CACNA1C: variants seen among roughly 807,000 people sequenced by gnomAD.
The protein encoded by CACNA1C is voltage-dependent L-type calcium channel subunit alpha-1C.
In CACNA1C, 30 loss-of-function variants were observed where a neutral mutation model predicts 229.0. The ratio of observed to expected loss-of-function variants is 0.13; its 90% confidence interval spans 0.10 to 0.18. CACNA1C has a LOEUF of 0.18. Ranked by LOEUF, CACNA1C falls within the 10% of genes least tolerant of loss-of-function variation. The pLI, the probability that CACNA1C is intolerant of heterozygous loss-of-function variation, is 1.00. For synonymous variants in CACNA1C, 1,114 were observed against 1,132.5 expected (o/e 0.98, Z 0.33); for missense variants, 1,658 against 2,845.0 (o/e 0.58, Z 9.49).
At chr12:2,165,953 CAGAG>C (rs1413012921) in intron 3 of CACNA1C, among the ~76,000 whole-genome samples, 2 of 152,184 alleles carry the variant, frequency 1.3e-5, no homozygotes, top group Non-Finnish European at 2.9e-5. Flanking sequence ...AATAAATACT[CAGAG>C]AGCAAAAAGA....
chr12:2,357,699 A>G (rs1221983325), intron 3 of CACNA1C, among the ~76,000 whole-genome samples: 1 of 150,026 alleles, frequency 6.7e-6, no homozygotes, highest in Non-Finnish European at 1.5e-5. Context: ...GGCCAGGCAC[A>G]GTGGTTCACA....
intron 5 of CACNA1C, among the ~76,000 whole-genome samples, chr12:2,482,711 A>G (rs1245714586): frequency 6.6e-6 from 1 of 152,016 alleles, no homozygotes. Flanking sequence ...GGGAATCACT[A>G]CCTCTTAAAG....
intron 3 of CACNA1C, among the ~76,000 whole-genome samples, chr12:2,258,004 C>G (rs1257398158): frequency 6.6e-6 from 1 of 152,244 alleles, no homozygotes. Flanking sequence ...CACTCCCACT[C>G]TGCAGTAGGC....
intron 3 of CACNA1C, among the ~76,000 whole-genome samples, chr12:2,174,541 A>G (rs1026088559): frequency 4.6e-5 from 7 of 152,100 alleles, no homozygotes; most frequent in African/African-American, 7.2e-5. Context: ...GGTTTTATCT[A>G]TTTCCCTCAA....
intron 3 of CACNA1C, among the ~76,000 whole-genome samples, chr12:2,121,709 G>A (rs1018812380): frequency 6.6e-6 from 1 of 152,180 alleles, no homozygotes; most frequent in Non-Finnish European, 1.5e-5. Flanking sequence ...TCTTTACTGT[G>A]TCAAAATAAA....
chr12:2,090,310 C>CTTTTTTTTTTTT (rs145675982), intron 1 of CACNA1C, among the ~76,000 whole-genome samples: 1 of 69,198 alleles, frequency 1.4e-5, no homozygotes, highest in Non-Finnish European at 2.5e-5. Flanking sequence ...GGATAGACTA[C>CTTTTTTTTTTTT]TTTTTTTTTT....
At chr12:2,514,620 T>C (rs943039640) in intron 9 of CACNA1C, among the ~76,000 whole-genome samples, 11 of 152,050 alleles carry the variant, frequency 7.2e-5, no homozygotes, top group African/African-American at 2.2e-4. Flanking sequence ...AATGCAGGAA[T>C]TTGTATGCTG....
At chr12:2,104,784 C>T (rs2077573786) in intron 1 of CACNA1C, among the ~76,000 whole-genome samples, 1 of 152,210 alleles carries the variant, frequency 6.6e-6, no homozygotes, top group Non-Finnish European at 1.5e-5. Context: ...TTTGCTATCA[C>T]CAGGTGCTGA....
At chr12:2,110,106 C>T (rs1261682765) in intron 1 of CACNA1C, among the ~76,000 whole-genome samples, 1 of 152,236 alleles carries the variant, frequency 6.6e-6, no homozygotes, top group East Asian at 1.9e-4. Flanking sequence ...CACCAAGCCC[C>T]TCACTCACAG....
At chr12:2,238,526 G>A (rs1021927797) in intron 3 of CACNA1C, among the ~76,000 whole-genome samples, 3 of 152,194 alleles carry the variant, frequency 2.0e-5, no homozygotes, top group Non-Finnish European at 4.4e-5. Context: ...AGAGAAATGG[G>A]ATGAGTCTGT....
chr12:2,669,432 T>C (rs1484822548), intron 38 of CACNA1C, among the ~76,000 whole-genome samples: 1 of 152,106 alleles, frequency 6.6e-6, no homozygotes, highest in Non-Finnish European at 1.5e-5. Flanking sequence ...ATGTGGCCCA[T>C]GGGCTGCAGG....
rs79310763 is a variant in CACNA1C, at chr12:2,244,604, G to A, written c.477+124174G>A. ...AGAGAAGGGAATGCAGAAGTCTGCC[G>A]TGTAGGGCATGAGGGGTGAAGCCAC... On this transcript the variant is annotated intron_variant, in intron 3 of 46. Coordinates refer to ENST00000399655, the MANE Select transcript of CACNA1C (RefSeq NM_000719.7). 6.2e-3 allele frequency among the ~76,000 whole-genome samples: 949 copies of A among 152,344 alleles called. 7 individuals are homozygous for A. The highest frequency in any genetic ancestry group is 0.022 in the African/African-American group (896 of 41,572).
intron 11 of CACNA1C, among the ~76,000 whole-genome samples, chr12:2,564,781 A>C (rs2049418716): frequency 6.6e-6 from 1 of 152,160 alleles, no homozygotes; most frequent in South Asian, 2.1e-4. Flanking sequence ...TTTTCCATTA[A>C]TATAGCTATT....
intron 3 of CACNA1C, among the ~76,000 whole-genome samples, chr12:2,279,651 G>A (rs142174903): frequency 2.0e-5 from 3 of 152,292 alleles, no homozygotes; most frequent in Admixed American, 6.5e-5. Context: ...CCTTTTGACT[G>A]TGTTAGTATC....
upstream of CACNA1C, chr12:2,048,373 T>C (rs2051452043): frequency 6.6e-6 from 1 of 152,230 alleles, no homozygotes; most frequent in Non-Finnish European, 1.5e-5. Flanking sequence ...CCACTCTTCC[T>C]ACTCTGGCTT....
At chr12:2,177,900 G>A (rs1339240593) in intron 3 of CACNA1C, among the ~76,000 whole-genome samples, 1 of 152,116 alleles carries the variant, frequency 6.6e-6, no homozygotes, top group African/African-American at 2.4e-5. Flanking sequence ...GCCTCCCAAA[G>A]TGCTGGAATT....
At chr12:2,260,428 AT>A (rs1429849399) in intron 3 of CACNA1C, among the ~76,000 whole-genome samples, 1 of 148,890 alleles carries the variant, frequency 6.7e-6, no homozygotes, top group African/African-American at 2.5e-5. Context: ...GTGAGCCATG[AT>A]CATATCACTG....
intron 3 of CACNA1C, among the ~76,000 whole-genome samples, chr12:2,434,665 G>A (rs1452281732): frequency 6.6e-6 from 1 of 152,176 alleles, no homozygotes. Context: ...GCATGTCCAA[G>A]TCCCCTGGGG....
chr12:2,485,694 GA>G (rs1176229146), intron 5 of CACNA1C, among the ~76,000 whole-genome samples: 1 of 152,094 alleles, frequency 6.6e-6, no homozygotes, highest in Non-Finnish European at 1.5e-5. Context: ...CCCACCATGG[GA>G]AAAACCTCGA....
Sources: allele counts gnomAD v4.1 joint callset (sites outside exome capture counted in the v4.1 genomes callset), GRCh38; gene constraint gnomAD v4.1.1; transcripts MANE v1.5; gene names NCBI Gene and HGNC (gene_info 2026-07-23, HGNC 2026-07-21).